The following PRKN variants were observed in gnomAD, a reference collection of about 807,000 sequenced individuals.
PRKN encodes the protein parkin RBR E3 ubiquitin protein ligase.
PRKN carries 56 observed loss-of-function variants against 59.5 expected under a neutral mutation model. The observed-to-expected ratio is 0.94, with a 90% confidence interval of 0.76 to 1.18. PRKN has a LOEUF of 1.18. Among genes scored for constraint, PRKN ranks in the 50% most tolerant of loss-of-function variants. The probability of loss-of-function intolerance (pLI) is 0.00; values close to 1 mark genes in which losing one functional copy is unlikely to be tolerated. For synonymous variants in PRKN, 250 were observed against 222.1 expected (o/e 1.13, Z -1.12); for missense variants, 657 against 596.4 (o/e 1.10, Z -1.06).
intron 5 of PRKN, among the ~76,000 whole-genome samples, chr6:161,984,348 C>T (rs1309604054): frequency 4.6e-5 from 7 of 152,120 alleles, no homozygotes; most frequent in African/African-American, 9.7e-5. Context: ...ACCTCCGTCC[C>T]GTGGGTTCAA....
chr6:161,374,053 G>T (rs984554029), intron 10 of PRKN, among the ~76,000 whole-genome samples: 1 of 152,190 alleles, frequency 6.6e-6, no homozygotes, highest in African/African-American at 2.4e-5. Flanking sequence ...AGCGCCATCT[G>T]GTGCATCAGA....
At chr6:162,573,480 G>A (rs2186818) in intron 1 of PRKN, among the ~76,000 whole-genome samples, 1 of 151,436 alleles carries the variant, frequency 6.6e-6, no homozygotes, top group Non-Finnish European at 1.5e-5. Context: ...TTGTGACAAC[G>A]TTCCAGCTAG....
At chr6:162,367,963 CACGG>C (rs1427602514) in intron 2 of PRKN, among the ~76,000 whole-genome samples, 2 of 152,126 alleles carry the variant, frequency 1.3e-5, no homozygotes, top group Non-Finnish European at 2.9e-5. Flanking sequence ...GCCTCCCAGT[CACGG>C]AGGAGTGGCA....
At chr6:162,034,186 T>TATATAGAG (rs1349695864) in intron 5 of PRKN, among the ~76,000 whole-genome samples, 1,340 of 133,254 alleles carry the variant, frequency 0.01, 8 homozygotes, top group Non-Finnish European at 0.013. Flanking sequence ...TATATATATA[T>TATATAGAG]AGAGAGAGAG....
At chr6:161,514,976 A>C (rs984842799) in intron 9 of PRKN, among the ~76,000 whole-genome samples, 10 of 147,502 alleles carry the variant, frequency 6.8e-5, no homozygotes, top group African/African-American at 2.5e-4. Context: ...GAGAGGCCCA[A>C]TTGTTAGTTA....
intron 4 of PRKN, among the ~76,000 whole-genome samples, chr6:162,117,305 G>A (rs1583057233): frequency 6.6e-6 from 1 of 152,194 alleles, no homozygotes; most frequent in Non-Finnish European, 1.5e-5. Flanking sequence ...TTCAGGATGA[G>A]ATACCCAAGC....
At chr6:162,011,456 T>C (rs1425457942) in intron 5 of PRKN, among the ~76,000 whole-genome samples, 2 of 18,248 alleles carry the variant, frequency 1.1e-4, no homozygotes, top group Admixed American at 2.4e-3. Flanking sequence ...TAATATATAA[T>C]ATATATATTA....
intron 8 of PRKN, among the ~76,000 whole-genome samples, chr6:161,565,484 T>C (rs1780607475): frequency 1.3e-5 from 2 of 152,170 alleles, no homozygotes; most frequent in African/African-American, 4.8e-5. Context: ...ATGGGGATGA[T>C]TCCCCCCATG....
At chr6:161,882,474 A>C (rs965582723) in intron 6 of PRKN, among the ~76,000 whole-genome samples, 5 of 151,962 alleles carry the variant, frequency 3.3e-5, no homozygotes, top group Admixed American at 2.6e-4. Flanking sequence ...GGAAAGCAGC[A>C]CTCCCACAAT....
At chr6:162,519,343 A>G (rs1423789578) in intron 1 of PRKN, among the ~76,000 whole-genome samples, 2 of 152,132 alleles carry the variant, frequency 1.3e-5, no homozygotes, top group Non-Finnish European at 2.9e-5. Context: ...AGGTAGCTTG[A>G]GCGCTAGTGT....
intron 6 of PRKN, among the ~76,000 whole-genome samples, chr6:161,961,403 AG>A (rs892665255): frequency 6.6e-6 from 1 of 152,208 alleles, no homozygotes; most frequent in African/African-American, 2.4e-5. Flanking sequence ...GTAAAAGAAA[AG>A]GGAGTGGGAA....
intron 2 of PRKN, among the ~76,000 whole-genome samples, chr6:162,315,219 C>A (rs1458548960): frequency 1.3e-5 from 2 of 152,150 alleles, no homozygotes; most frequent in Non-Finnish European, 2.9e-5. Flanking sequence ...TAACGACCGA[C>A]TTCCTATGTG....
chr6:162,557,754 C>A (rs1779668569), intron 1 of PRKN, among the ~76,000 whole-genome samples: 1 of 152,208 alleles, frequency 6.6e-6, no homozygotes, highest in Admixed American at 6.5e-5. Context: ...AAGTGATCCA[C>A]CTGCCTCGGC....
rs1003352925 is a variant in PRKN, at chr6:161,410,767, A to G, written c.1084-23890T>C. Among the ~76,000 whole-genome samples the G allele has an allele frequency of 2.0e-5, 3 of 152,160 alleles. No homozygotes were observed. Among genetic ancestry groups the G allele is most frequent in the Non-Finnish European group, 2.9e-5 (2 of 68,038 alleles). On this transcript the variant is annotated intron_variant, in intron 9 of 11. Coordinates refer to ENST00000366898, the MANE Select transcript of PRKN (RefSeq NM_004562.3). The surrounding 1 kb of genome is among the most constrained non-coding windows in gnomAD (Gnocchi z 5.3). ...GAAATGCATCATTGGTGCTCATGAC[A>G]ACGGCACGCCAAGGGGCTTGATGGC...
rs577488562 is a variant in PRKN, at chr6:162,039,878, G to C, written c.618+14213C>G. ...CAGCATGATCACAGAGAACACTGTG[G>C]AAGGTATGCCCGTCATCTACTGCTA... On this transcript the variant is annotated intron_variant, in intron 5 of 11. Transcript: ENST00000366898. Among the ~76,000 whole-genome samples, 43 of 152,308 alleles carry C rather than the reference G, an allele frequency of 2.8e-4. 1 individual carries two copies. The highest frequency in any genetic ancestry group is 1.0e-3 in the African/African-American group (43 of 41,556).
intron 7 of PRKN, among the ~76,000 whole-genome samples, chr6:161,720,838 C>T (rs895278307): frequency 1.3e-5 from 2 of 151,514 alleles, no homozygotes; most frequent in African/African-American, 4.9e-5. Flanking sequence ...ATATCTTGAC[C>T]TTACAAATTA....
intron 10 of PRKN, among the ~76,000 whole-genome samples, chr6:161,370,452 C>G (rs1035018162): frequency 3.3e-5 from 5 of 150,424 alleles, no homozygotes; most frequent in African/African-American, 1.2e-4. Context: ...ATTAGCCGGG[C>G]GTGGTGGCAG....
intron 9 of PRKN, among the ~76,000 whole-genome samples, chr6:161,441,974 A>T (rs909044613): frequency 6.6e-6 from 1 of 152,222 alleles, no homozygotes; most frequent in Non-Finnish European, 1.5e-5. Context: ...CAATCAGCCC[A>T]GCAAGCAGGG....
At chr6:161,704,252 G>T (rs1477621419) in intron 7 of PRKN, among the ~76,000 whole-genome samples, 1 of 152,110 alleles carries the variant, frequency 6.6e-6, no homozygotes, top group East Asian at 1.9e-4. Flanking sequence ...CTGAGTGCAT[G>T]AAGGCAGTCT....
Sources: allele counts gnomAD v4.1 joint callset (sites outside exome capture counted in the v4.1 genomes callset), GRCh38; gene constraint gnomAD v4.1.1; non-coding constraint Gnocchi (gnomAD v3.1); transcripts MANE v1.5; gene names NCBI Gene and HGNC (gene_info 2026-07-23, HGNC 2026-07-21).